Variants in IFT172 observed in about 807,000 individuals in gnomAD.
IFT172 encodes intraflagellar transport 172.
In IFT172, 164 loss-of-function variants were observed where a neutral mutation model predicts 248.9. That is an observed-to-expected ratio of 0.66 (90% CI 0.58 to 0.75). The LOEUF (loss-of-function observed/expected upper bound fraction) is 0.75, where lower values mean the gene tolerates loss of function less well. IFT172 is among the 30% of genes least tolerant of loss of function. The probability of loss-of-function intolerance (pLI) is 0.00; values close to 1 mark genes in which losing one functional copy is unlikely to be tolerated. For synonymous variants in IFT172, 729 were observed against 791.6 expected, an observed-to-expected ratio of 0.92 and a Z score of 1.33; for missense variants, 1,950 against 2,192.4, an observed-to-expected ratio of 0.89 and a Z score of 2.21.
chr2:27,445,791 G>T lies in IFT172; in HGVS notation c.4868C>A (p.Thr1623Lys), dbSNP rs762958757. 2 of 1,614,160 alleles carry T rather than the reference G, an allele frequency of 1.2e-6. No homozygotes were observed. Among genetic ancestry groups the T allele is most frequent in the South Asian group, 2.2e-5 (2 of 91,086 alleles). The change falls in exon 45 of 48, where the codon ACA becomes AAA. Residue 1623 changes from threonine (T) to lysine (K), a missense_variant. Physicochemically the swap from Thr to Lys is moderately conservative, Grantham distance 78. Around this residue, in one of 3 missense-constraint regions of IFT172, gnomAD observed 620 missense variants for 699.0 expected, o/e 0.89. Coordinates refer to ENST00000260570, the MANE Select transcript of IFT172 (RefSeq NM_015662.3). The surrounding 1 kb of genome is among the most constrained non-coding windows in gnomAD (Gnocchi z 4.4). The part of the protein sequence containing the change: ...DGLDHSDFQD[T>K]DIPFEVPLPA... Reference sequence around the variant, plus strand: ...GAGTGGCACCTCAAAGGGAATGTCTGTATCCTGAAAATCAGAGTGGTCAAG... The same window carrying T: ...GAGTGGCACCTCAAAGGGAATGTCTTTATCCTGAAAATCAGAGTGGTCAAG...
chr2:27,451,977 G>A (rs1163913278), intron 35 of IFT172, among the ~76,000 whole-genome samples: 1 of 116,338 alleles, frequency 8.6e-6, no homozygotes, highest in Non-Finnish European at 1.7e-5. Context: ...TTATATATAT[G>A]TATGTGTGTG....
chr2:27,452,330 T>C (rs1223062295), intron 35 of IFT172, among the ~76,000 whole-genome samples: 1 of 152,148 alleles, frequency 6.6e-6, no homozygotes, highest in Non-Finnish European at 1.5e-5. Flanking sequence ...CTTGCTGGCC[T>C]TCAAACAAGA....
chr2:27,470,917 G>A lies in IFT172; in HGVS notation c.1692+11C>T, dbSNP rs1235628992. ...AATACCACATCTGAGGGCCCCTAGT[G>A]TCCAACATACCCTAATAGTGAACAT... On this transcript the variant is annotated intron_variant, in intron 16 of 47. Coordinates refer to ENST00000260570, the MANE Select transcript of IFT172 (RefSeq NM_015662.3). The A allele has an allele frequency of 1.3e-6, 2 of 1,577,778 alleles. No individual in the cohort carries two copies. The highest frequency in any genetic ancestry group is 4.5e-5 in the East Asian group (2 of 44,030).
intron 40 of IFT172, 151 bp from the exon 41 acceptor site, chr2:27,448,073 AT>A: frequency 2.6e-6 from 1 of 384,196 alleles, no homozygotes; most frequent in South Asian, 1.3e-4. Context: ...GCAGATTTTT[AT>A]TTTTATTTAT....
chr2:27,461,920 A>T, intron 20 of IFT172, 84 bp from the exon 21 acceptor site: 1 of 1,447,990 alleles, frequency 6.9e-7, no homozygotes, highest in Non-Finnish European at 9.7e-7. Context: ...CCTGGCTAAG[A>T]TGCCAGCCCA....
chr2:27,457,032 G>A (rs778309524), intron 29 of IFT172, among the ~76,000 whole-genome samples: 22 of 152,050 alleles, frequency 1.4e-4, no homozygotes, highest in African/African-American at 5.3e-4. Context: ...GTGACAGAGC[G>A]AAACTCCATC....
At chr2:27,479,416 T>A (rs552683015) in intron 10 of IFT172, 93 bp downstream of exon 10, 2 of 773,360 alleles carry the variant, frequency 2.6e-6, no homozygotes, top group Non-Finnish European at 4.7e-6. Flanking sequence ...AAGATTAAAT[T>A]TGAACTATGG....
Position 27,472,038 on chromosome 2 carries a change from CA to C in IFT172, c.1524+211del, listed in dbSNP as rs34330432. On this transcript the variant is annotated intron_variant, in intron 15 of 47. Transcript: ENST00000260570. ...GGGTGACAGAGTGAGACACTGTCTC[CA>C]AAAAAAAAAAAAAAGAGGTAATAAA... 193,354 of 489,226 alleles carry C rather than the reference CA, an allele frequency of 0.4. 13,631 individuals carry two copies. The highest frequency in any genetic ancestry group is 0.59 in the African/African-American group (26,607 of 44,912). 30.3% of individuals were successfully genotyped at this position (489,226 alleles called of 1,614,324 possible).
At chr2:27,463,026 A>C in intron 19 of IFT172, 71 bp downstream of exon 19, 2 of 1,534,910 alleles carry the variant, frequency 1.3e-6, no homozygotes, top group Non-Finnish European at 1.8e-6. Flanking sequence ...AAAGCTAGGA[A>C]TCATGGGGCT....
Position 27,483,189 on chromosome 2 carries a change from G to T in IFT172, c.570+100C>A, listed in dbSNP as rs1344376068. On this transcript the variant is annotated intron_variant, in intron 7 of 47. Transcript: ENST00000260570. ...CGACTAATTTTTGTATTTATTTTTT[G>T]TTTTTTTGGTAGAGACAGGGTTTCA... The T allele has an allele frequency of 1.5e-5, 11 of 731,208 alleles. No individual in the cohort carries two copies. In the East Asian group the frequency reaches 2.5e-4, roughly 17 times the overall value. 45.3% of individuals were successfully genotyped at this position (731,208 alleles called of 1,614,324 possible). A position where few individuals can be genotyped will look rare whatever the true frequency, so the allele number is the denominator to read the frequency against.
rs377228863 is a variant in IFT172, at chr2:27,485,796, G to T, written c.40-293C>A. On this transcript the variant is annotated intron_variant, in intron 1 of 47. Coordinates refer to ENST00000260570, the MANE Select transcript of IFT172 (RefSeq NM_015662.3). Reference sequence around the variant, plus strand: ...CCTCCTCGTTTCCAGGTCTGCTACTGAAATAAATTCAATTAGTCTGGTAAG... The same window carrying T: ...CCTCCTCGTTTCCAGGTCTGCTACTTAAATAAATTCAATTAGTCTGGTAAG... 3.3e-5 allele frequency among the ~76,000 whole-genome samples: 5 copies of T among 152,288 alleles called. No homozygotes were observed. In the East Asian group the frequency reaches 5.8e-4, roughly 18 times the overall value.
At chr2:27,474,801 C>T (rs1204023857) in intron 14 of IFT172, among the ~76,000 whole-genome samples, 3 of 152,052 alleles carry the variant, frequency 2.0e-5, no homozygotes, top group Non-Finnish European at 4.4e-5. Flanking sequence ...ATCCGCCTGC[C>T]TTGGCCTACC....
chr2:27,473,775 GC>G (rs1292505284), intron 14 of IFT172, among the ~76,000 whole-genome samples: 1 of 152,024 alleles, frequency 6.6e-6, no homozygotes, highest in Non-Finnish European at 1.5e-5. Context: ...AGGGTTGATA[GC>G]CCAAAAAAGT....
chr2:27,449,970 T>C (rs772536388), intron 36 of IFT172, 28 bp downstream of exon 36: 4 of 1,583,002 alleles, frequency 2.5e-6, no homozygotes, highest in East Asian at 4.5e-5. Context: ...TGAAATCTAT[T>C]TCTGTTCCAT....
At chr2:27,459,000 G>A in intron 25 of IFT172, 132 bp from the exon 26 acceptor site, 5 of 872,526 alleles carry the variant, frequency 5.7e-6, no homozygotes, top group Non-Finnish European at 8.7e-6. Flanking sequence ...GAGAAGAAAA[G>A]ATGAGTATGG....
In IFT172 at chr2:27,447,791, GC is replaced by G; in HGVS notation, c.4539+20del. On this transcript the variant is annotated intron_variant, in intron 41 of 47. Coordinates refer to ENST00000260570, the MANE Select transcript of IFT172 (RefSeq NM_015662.3). The stretch of plus-strand genomic sequence containing the variant: ...AGAGATGAGGACAAGGACAGACGGA[GC>G]AGCCCTTTCGCTTCCTCACCAGGTT... 6.3e-7 allele frequency: 1 copy of G among 1,589,232 alleles called. No individual in the cohort carries two copies. The highest frequency in any genetic ancestry group is 8.6e-7 in the Non-Finnish European group (1 of 1,157,180).
At chr2:27,488,135 A>ACC (rs1011196020) in intron 1 of IFT172, among the ~76,000 whole-genome samples, 7 of 151,436 alleles carry the variant, frequency 4.6e-5, no homozygotes, top group African/African-American at 1.7e-4. Context: ...GGTGCTTGCC[A>ACC]CCACACGAGG....
chr2:27,480,283 T>C, intron 8 of IFT172, 134 bp from the exon 9 acceptor site: 2 of 1,320,456 alleles, frequency 1.5e-6, no homozygotes, highest in Non-Finnish European at 2.0e-6. Context: ...AGCTAGGCAG[T>C]CTAGCAGAAG....
At chr2:27,472,504 C>T in intron 14 of IFT172, 142 bp from the exon 15 acceptor site, 1 of 646,604 alleles carries the variant, frequency 1.5e-6, no homozygotes, top group South Asian at 2.1e-5. Context: ...ATGTTGTTAA[C>T]TCAAAAGGTC....
Sources: allele counts gnomAD v4.1 joint callset (sites outside exome capture counted in the v4.1 genomes callset), GRCh38; gene constraint gnomAD v4.1.1; regional missense constraint gnomAD v4.1.1; non-coding constraint Gnocchi (gnomAD v3.1); transcripts MANE v1.5; gene names NCBI Gene and HGNC (gene_info 2026-07-23, HGNC 2026-07-21).